The following HERC5 variants were observed in gnomAD, a reference collection of about 807,000 sequenced individuals.
HERC5 encodes E3 ISG15--protein ligase HERC5.
A neutral mutation model predicts 119.6 loss-of-function variants in HERC5; 99 were observed. That is an observed-to-expected ratio of 0.83 (90% CI 0.70 to 0.98). The LOEUF is 0.98. Among genes scored for constraint, HERC5 ranks in the 50% least tolerant of loss-of-function variants. The probability of loss-of-function intolerance (pLI) is 0.00; values close to 1 mark genes in which losing one functional copy is unlikely to be tolerated. For synonymous variants in HERC5, 478 were observed against 445.9 expected (o/e 1.07, Z -0.91); for missense variants, 1,267 against 1,241.3 (o/e 1.02, Z -0.31).
At chr4:88,482,793 G>A (rs1741323041) in intron 13 of HERC5, among the ~76,000 whole-genome samples, 2 of 152,102 alleles carry the variant, frequency 1.3e-5, no homozygotes, top group African/African-American at 4.8e-5. Context: ...ACCATGCCTG[G>A]CTAATTTTTG....
At chr4:88,457,981 A>G (rs959093842) in intron 1 of HERC5, 226 of 988,826 alleles carry the variant, frequency 2.3e-4, no homozygotes, top group Non-Finnish European at 2.6e-4. Context: ...CCACATTCTC[A>G]TCGAAGTGGG....
At position 88,462,314 on chromosome 4, in the gene HERC5, G is replaced by A; in HGVS notation, c.646G>A (p.Gly216Arg). Residue 216 changes from glycine (G) to arginine (R), a missense_variant, in exon 4 of 23, where the codon GGA becomes AGA. Gly to Arg is a moderately radical substitution (Grantham distance 125, BLOSUM62 -2). Transcript: ENST00000264350. ...LSMSGNIYSW[G>R]KNECGQLGLG... Reference sequence around the variant, plus strand: ...CATGTCTGGCAACATTTATTCATGGGGAAAAAATGAATGTGGACAACTAGG... The same window carrying A: ...CATGTCTGGCAACATTTATTCATGGAGAAAAAATGAATGTGGACAACTAGG... 2 of 1,614,130 alleles carry A rather than the reference G, an allele frequency of 1.2e-6. No individual in the cohort carries two copies. The highest frequency in any genetic ancestry group is 1.7e-6 in the Non-Finnish European group (2 of 1,180,026).
At chr4:88,468,543 G>A in intron 8 of HERC5, 121 bp downstream of exon 8, 5 of 616,324 alleles carry the variant, frequency 8.1e-6, no homozygotes, top group Non-Finnish European at 1.4e-5. Context: ...TTGGGGGATA[G>A]CTGGACATTA....
chr4:88,467,900 G>A (rs1232538131), intron 7 of HERC5: 9 of 983,990 alleles, frequency 9.1e-6, no homozygotes, highest in African/African-American at 8.7e-5. Flanking sequence ...CTCATTTCTT[G>A]TAGGAAAACG....
chr4:88,485,039 G>GTT (rs901109670), intron 13 of HERC5, among the ~76,000 whole-genome samples: 5 of 143,510 alleles, frequency 3.5e-5, no homozygotes, highest in African/African-American at 1.3e-4. Context: ...ATTTTTAAAG[G>GTT]TTTTTTTTTT....
chr4:88,462,287 T>A lies in HERC5; in HGVS notation c.619T>A (p.Ser207Thr), dbSNP rs528305264. 1 of 1,614,220 alleles carries A rather than the reference T, an allele frequency of 6.2e-7. No homozygotes were observed. Among genetic ancestry groups the A allele is most frequent in the African/African-American group, 1.3e-5 (1 of 75,060 alleles). ...CGGAGAAGCCCACAGCATGGCCTTA[T>A]CCATGTCTGGCAACATTTATTCATG... ...SAGEAHSMAL[S>T]MSGNIYSWGK... The change falls in exon 4 of 23, where the codon TCC becomes ACC. Residue 207 changes from serine (S) to threonine (T), a missense_variant. By Grantham distance (58) the Ser-to-Thr change is moderately conservative (BLOSUM62 1). Transcript: ENST00000264350.
chr4:88,495,046 A>T (rs927106859), intron 18 of HERC5, among the ~76,000 whole-genome samples: 1 of 152,230 alleles, frequency 6.6e-6, no homozygotes, highest in African/African-American at 2.4e-5. Flanking sequence ...TAGCAAAATC[A>T]AAACATATTT....
intron 22 of HERC5, among the ~76,000 whole-genome samples, chr4:88,504,899 C>G (rs1301988719): frequency 6.6e-6 from 1 of 152,136 alleles, no homozygotes; most frequent in Non-Finnish European, 1.5e-5. Flanking sequence ...TTGGGATTAA[C>G]TAAAATATTT....
rs1740175316 is a variant in HERC5 at position 88,457,211 on chromosome 4, G to C, written c.-59G>C. 39 of 1,264,396 alleles carry C rather than the reference G, an allele frequency of 3.1e-5. No homozygotes were observed. Among genetic ancestry groups the C allele is most frequent in the Middle Eastern group, 3.0e-4 (1 of 3,298 alleles). 78.3% of individuals were successfully genotyped at this position (1,264,396 alleles called of 1,614,324 possible). Reference sequence around the variant, plus strand: ...ACGCCTGAGGCAGTGGGCGCGCTCAGTCCCGGGACCAGGCGTTCTCTCCTC... The same window carrying C: ...ACGCCTGAGGCAGTGGGCGCGCTCACTCCCGGGACCAGGCGTTCTCTCCTC... On this transcript the variant is annotated 5_prime_UTR_variant, in exon 1 of 23. Transcript: ENST00000264350.
chr4:88,483,087 G>A (rs1741333995), intron 13 of HERC5, among the ~76,000 whole-genome samples: 1 of 152,068 alleles, frequency 6.6e-6, no homozygotes, highest in South Asian at 2.1e-4. Flanking sequence ...CTTCTAATAT[G>A]ATGTTAAATA....
At chr4:88,501,613 T>C (rs905536801) in intron 20 of HERC5, among the ~76,000 whole-genome samples, 1 of 151,652 alleles carries the variant, frequency 6.6e-6, no homozygotes, top group Non-Finnish European at 1.5e-5. Flanking sequence ...TTTCTTAATC[T>C]TTTTTTTTAA....
chr4:88,471,488 G>A (rs951768821), intron 10 of HERC5, among the ~76,000 whole-genome samples: 6 of 151,560 alleles, frequency 4.0e-5, no homozygotes, highest in East Asian at 2.0e-4. Context: ...CTACAGGCAC[G>A]TGCCACCACC....
chr4:88,476,128 AT>A (rs529969651), intron 12 of HERC5, 98 bp downstream of exon 12: 848 of 918,358 alleles, frequency 9.2e-4, no homozygotes, highest in Non-Finnish European at 1.1e-3. Flanking sequence ...AAATGTATTC[AT>A]TTTTTTTTAG....
Position 88,467,041 on chromosome 4 carries a change from T to C in HERC5, c.912-18T>C. On this transcript the variant is annotated intron_variant, in intron 6 of 22. Transcript: ENST00000264350. The stretch of plus-strand genomic sequence containing the variant: ...TGTGGATAATTAAGAATTGACCATA[T>C]GTGCTTTTATTTAATAGGTGGCACA... 1 of 1,613,378 alleles carries C rather than the reference T, an allele frequency of 6.2e-7. No homozygotes were observed.
chr4:88,467,412 G>A (rs1358449390), intron 7 of HERC5, among the ~76,000 whole-genome samples: 1 of 152,152 alleles, frequency 6.6e-6, no homozygotes, highest in African/African-American at 2.4e-5. Context: ...TTCAGATTAG[G>A]ATTAATGTGA....
At chr4:88,475,329 T>C (rs1440616850) in intron 11 of HERC5, among the ~76,000 whole-genome samples, 2 of 145,960 alleles carry the variant, frequency 1.4e-5, no homozygotes, top group East Asian at 2.0e-4. Context: ...TCTTTCTTTT[T>C]TTTTTTTTTT....
At chr4:88,502,696 AGTCTT>A (rs1244918628) in intron 20 of HERC5, among the ~76,000 whole-genome samples, 4 of 152,320 alleles carry the variant, frequency 2.6e-5, no homozygotes, top group South Asian at 2.1e-4. Context: ...TAGTATTACT[AGTCTT>A]TTTTAAATTA....
chr4:88,476,974 G>T (rs1230067679), intron 12 of HERC5, among the ~76,000 whole-genome samples: 2 of 148,512 alleles, frequency 1.3e-5, no homozygotes, highest in Admixed American at 6.7e-5. Context: ...TCATATCTAA[G>T]AAAATTAATC....
In HERC5 at chr4:88,467,131, G is replaced by A; in HGVS notation, c.984G>A (p.Leu328=). The A allele has an allele frequency of 6.2e-7, 1 of 1,614,166 alleles. No homozygotes were observed. Among genetic ancestry groups the A allele is most frequent in the Non-Finnish European group, 8.5e-7 (1 of 1,180,018 alleles). ...FSFGSGKDGQ[L]GNGGTRDQLM... ...TTGGTTCTGGAAAAGATGGACAACT[G>A]GGAAATGGTGGAACACGTGACCAGC... is the stretch of plus-strand genomic sequence containing the variant. The change falls in exon 7 of 23, where the codon CTG becomes CTA. Residue 328 remains leucine (L), a synonymous_variant. Transcript: ENST00000264350.
Sources: gnomAD v4.1 joint callset for allele counts (sites outside exome capture counted in the v4.1 genomes callset) on GRCh38, gnomAD v4.1.1 for gene constraint, MANE v1.5 for transcripts, NCBI Gene and HGNC (gene_info 2026-07-23, HGNC 2026-07-21) for gene names.